Variants in PDLIM5 observed in about 807,000 individuals in gnomAD.
PDLIM5 encodes PDZ and LIM domain 5, also known as PDZ and LIM domain protein 5.
In PDLIM5, 34 loss-of-function variants were observed where a neutral mutation model predicts 64.2. The observed-to-expected ratio is 0.53, with a 90% CI of 0.40 to 0.71. The LOEUF (loss-of-function observed/expected upper bound fraction) is 0.71, where lower values mean the gene tolerates loss of function less well. Ranked by LOEUF, PDLIM5 falls within the 30% of genes least tolerant of loss-of-function variation. The pLI is 0.00. For missense variants in PDLIM5, 683 were observed against 733.6 expected, an observed-to-expected ratio of 0.93 and a Z score of 0.80; for synonymous variants, 253 against 269.1, an observed-to-expected ratio of 0.94 and a Z score of 0.59.
At chr4:94,472,033 A>G (rs539541367) in intron 2 of PDLIM5, among the ~76,000 whole-genome samples, 2 of 152,318 alleles carry the variant, frequency 1.3e-5, no homozygotes, top group South Asian at 4.1e-4. Context: ...TGAAACTATT[A>G]TTGAAATAAT....
At chr4:94,547,094 A>G (rs751862002) in intron 3 of PDLIM5, among the ~76,000 whole-genome samples, 30 of 152,160 alleles carry the variant, frequency 2.0e-4, no homozygotes, top group Non-Finnish European at 3.7e-4. Context: ...TCAATTTAAA[A>G]AAATGCTTAC....
intron 10 of PDLIM5, chr4:94,656,951 T>G (rs1375409794): frequency 1.3e-5 from 2 of 152,072 alleles, no homozygotes; most frequent in African/African-American, 2.4e-5. Context: ...GTTTTGTTAT[T>G]AAATTATATA....
intron 7 of PDLIM5, among the ~76,000 whole-genome samples, chr4:94,603,790 C>T (rs1222419048): frequency 6.6e-6 from 1 of 152,182 alleles, no homozygotes; most frequent in African/African-American, 2.4e-5. Flanking sequence ...CTCGGCTAGG[C>T]ACCATGGCCT....
chr4:94,588,686 G>T (rs1736442158), intron 7 of PDLIM5, among the ~76,000 whole-genome samples: 1 of 152,094 alleles, frequency 6.6e-6, no homozygotes, highest in Non-Finnish European at 1.5e-5. Flanking sequence ...CATAAAATCA[G>T]TTGACTATTG....
At chr4:94,467,773 G>A (rs1056219945) in intron 2 of PDLIM5, among the ~76,000 whole-genome samples, 3 of 152,038 alleles carry the variant, frequency 2.0e-5, no homozygotes, top group Non-Finnish European at 2.9e-5. Context: ...TTGTCTTTCC[G>A]ACCCAACAGT....
chr4:94,549,606 A>G (rs142870328), intron 3 of PDLIM5, among the ~76,000 whole-genome samples: 11 of 152,316 alleles, frequency 7.2e-5, no homozygotes, highest in African/African-American at 2.4e-4. Context: ...GTTTTTGAGC[A>G]AATAAAAATA....
chr4:94,647,023 C>G (rs1445337177), intron 9 of PDLIM5, among the ~76,000 whole-genome samples: 2 of 152,184 alleles, frequency 1.3e-5, no homozygotes, highest in African/African-American at 2.4e-5. Flanking sequence ...TCTAAAATCT[C>G]CTTTCCCATC....
intron 7 of PDLIM5, among the ~76,000 whole-genome samples, chr4:94,604,916 G>A (rs1379642130): frequency 6.6e-6 from 1 of 152,198 alleles, no homozygotes; most frequent in Non-Finnish European, 1.5e-5. Flanking sequence ...GCCACAAGAA[G>A]GTCATCAGTG....
intron 1 of PDLIM5, among the ~76,000 whole-genome samples, chr4:94,454,938 A>G (rs28423689): frequency 0.016 from 2,503 of 152,348 alleles, 29 homozygotes; most frequent in Non-Finnish European, 0.025. Flanking sequence ...TTAGTGAAGT[A>G]TTGTAAAGTA....
chr4:94,531,932 GA>G (rs113405660), intron 3 of PDLIM5, among the ~76,000 whole-genome samples: 36 of 151,298 alleles, frequency 2.4e-4, no homozygotes, highest in African/African-American at 7.8e-4. Context: ...AGAGTGAAAG[GA>G]AAAAGGGGGG....
intron 10 of PDLIM5, among the ~76,000 whole-genome samples, chr4:94,656,078 G>T (rs889950413): frequency 2.0e-5 from 3 of 152,056 alleles, no homozygotes; most frequent in Admixed American, 6.5e-5. Context: ...AAAGAAAATA[G>T]TTCACTCAAG....
At chr4:94,502,145 A>G (rs2110084438) in intron 2 of PDLIM5, among the ~76,000 whole-genome samples, 1 of 151,586 alleles carries the variant, frequency 6.6e-6, no homozygotes, top group Middle Eastern at 3.4e-3. Flanking sequence ...GACTGAGGAA[A>G]TTTGTTTTGA....
At chr4:94,492,045 C>T (rs1424229334) in intron 2 of PDLIM5, among the ~76,000 whole-genome samples, 1 of 151,676 alleles carries the variant, frequency 6.6e-6, no homozygotes, top group African/African-American at 2.4e-5. Flanking sequence ...ACTCCCTATT[C>T]CCTCCCCTCA....
intron 2 of PDLIM5, among the ~76,000 whole-genome samples, chr4:94,464,950 A>G (rs1724218510): frequency 6.6e-6 from 1 of 152,168 alleles, no homozygotes; most frequent in Non-Finnish European, 1.5e-5. Flanking sequence ...AGAAACTTAT[A>G]TTTAATATAT....
At chr4:94,532,381 T>TC (rs1358476631) in intron 3 of PDLIM5, among the ~76,000 whole-genome samples, 1 of 149,802 alleles carries the variant, frequency 6.7e-6, no homozygotes, top group African/African-American at 2.5e-5. Flanking sequence ...AGAAAAGGGC[T>TC]CCCTGCTTCT....
intron 7 of PDLIM5, among the ~76,000 whole-genome samples, chr4:94,607,031 T>A (rs1031930781): frequency 6.6e-5 from 10 of 152,262 alleles, no homozygotes; most frequent in African/African-American, 2.4e-4. Context: ...CGTGGTTTGC[T>A]GACCCATGTT....
intron 2 of PDLIM5, among the ~76,000 whole-genome samples, chr4:94,461,945 A>G (rs574079783): frequency 2.7e-3 from 410 of 152,234 alleles, no homozygotes; most frequent in African/African-American, 8.8e-3. Context: ...GCTCACTGCA[A>G]CCTCCACCTC....
At chr4:94,589,281 C>T (rs1012611291) in intron 7 of PDLIM5, among the ~76,000 whole-genome samples, 10 of 151,928 alleles carry the variant, frequency 6.6e-5, no homozygotes, top group Admixed American at 3.3e-4. Context: ...GAAAAATTTT[C>T]CCTAATACAG....
At chr4:94,535,530 CT>C (rs1731243895) in intron 3 of PDLIM5, among the ~76,000 whole-genome samples, 1 of 152,156 alleles carries the variant, frequency 6.6e-6, no homozygotes, top group Admixed American at 6.5e-5. Flanking sequence ...AAAAAGACGC[CT>C]TCCTTGCCTG....
Sources: gnomAD v4.1 joint callset for allele counts (sites outside exome capture counted in the v4.1 genomes callset) on GRCh38, gnomAD v4.1.1 for gene constraint, MANE v1.5 for transcripts, NCBI Gene and HGNC (gene_info 2026-07-23, HGNC 2026-07-21) for gene names.